PKIB: variants seen among roughly 807,000 people sequenced by gnomAD.
PKIB encodes the protein PKI-beta.
A neutral mutation model predicts 4.5 loss-of-function variants in PKIB; 2 were observed. The ratio of observed to expected loss-of-function variants is 0.44; its 90% CI spans 0.18 to 1.39. The LOEUF (loss-of-function observed/expected upper bound fraction) is 1.39. PKIB is among the 40% of genes most tolerant of loss of function. PKIB has a pLI of 0.27. For missense variants in PKIB, 94 were observed against 92.6 expected (o/e 1.02, Z -0.06); for synonymous variants, 38 against 36.0 (o/e 1.06, Z -0.20).
intron 2 of PKIB, among the ~76,000 whole-genome samples, chr6:122,492,287 A>C (rs1275727773): frequency 6.6e-6 from 1 of 152,160 alleles, no homozygotes; most frequent in African/African-American, 2.4e-5. Flanking sequence ...GTTCGTGGGT[A>C]GTGTTCATGG....
chr6:122,497,455 A>C (rs140961208), intron 2 of PKIB, among the ~76,000 whole-genome samples: 13 of 152,204 alleles, frequency 8.5e-5, no homozygotes, highest in Admixed American at 8.5e-4. Context: ...AGCAAGACCC[A>C]TTCATCTGCT....
intron 1 of PKIB, among the ~76,000 whole-genome samples, chr6:122,619,044 T>C (rs1168164125): frequency 6.6e-6 from 1 of 152,172 alleles, no homozygotes; most frequent in Non-Finnish European, 1.5e-5. Flanking sequence ...ATATTTTTAG[T>C]TATTTTTATG....
intron 4 of PKIB, among the ~76,000 whole-genome samples, chr6:122,721,202 G>C (rs1779727672): frequency 6.6e-6 from 1 of 152,120 alleles, no homozygotes; most frequent in Non-Finnish European, 1.5e-5. Flanking sequence ...ACCCCAAACA[G>C]GTTAAGTGAC....
intron 3 of PKIB, among the ~76,000 whole-genome samples, chr6:122,695,246 C>T (rs1173089997): frequency 1.3e-5 from 2 of 152,026 alleles, no homozygotes; most frequent in Non-Finnish European, 2.9e-5. Context: ...ACCTTAAAAA[C>T]AACCAAATAT....
chr6:122,709,737 G>T (rs1779198682), intron 3 of PKIB, among the ~76,000 whole-genome samples: 1 of 151,980 alleles, frequency 6.6e-6, no homozygotes, highest in Non-Finnish European at 1.5e-5. Context: ...TTTTCCCTTT[G>T]AAAGATAAAT....
intron 3 of PKIB, among the ~76,000 whole-genome samples, chr6:122,697,020 G>A (rs1043686110): frequency 1.3e-5 from 2 of 152,178 alleles, no homozygotes; most frequent in Non-Finnish European, 2.9e-5. Context: ...TCTACTGATG[G>A]CCTGGGGGAG....
chr6:122,557,751 TGCTGTCCTC>T (rs762826541), intron 2 of PKIB, among the ~76,000 whole-genome samples: 3 of 152,230 alleles, frequency 2.0e-5, no homozygotes, highest in Non-Finnish European at 4.4e-5. Context: ...TGGGTAGATG[TGCTGTCCTC>T]AGATTTACCT....
chr6:122,700,396 G>A (rs1778764839), intron 3 of PKIB, among the ~76,000 whole-genome samples: 1 of 151,724 alleles, frequency 6.6e-6, no homozygotes, highest in African/African-American at 2.4e-5. Flanking sequence ...CAGGGTTAGG[G>A]GTTTCCCCCA....
At chr6:122,577,275 TA>T (rs370991764) in intron 2 of PKIB, among the ~76,000 whole-genome samples, 2 of 152,002 alleles carry the variant, frequency 1.3e-5, no homozygotes, top group Admixed American at 6.6e-5. Context: ...ACTTTTAAGT[TA>T]AAAAAAAGTA....
intron 2 of PKIB, among the ~76,000 whole-genome samples, chr6:122,517,718 A>G (rs1776805082): frequency 6.6e-6 from 1 of 152,248 alleles, no homozygotes; most frequent in African/African-American, 2.4e-5. Context: ...AACAAAAGAC[A>G]TAATTCTATT....
chr6:122,549,436 T>A (rs939337022), intron 2 of PKIB, among the ~76,000 whole-genome samples: 12 of 152,174 alleles, frequency 7.9e-5, no homozygotes, highest in Non-Finnish European at 8.8e-5. Flanking sequence ...CCTCTAATTA[T>A]TTGTTTCACG....
At chr6:122,475,070 A>G (rs1015534119) in intron 1 of PKIB, among the ~76,000 whole-genome samples, 7 of 152,084 alleles carry the variant, frequency 4.6e-5, no homozygotes, top group South Asian at 4.1e-4. Context: ...GGCTTGCTCT[A>G]TTGCCCAGGC....
rs541970550 is a variant in PKIB at position 122,511,998 on chromosome 6, T to G, written c.-248+34059T>G. On this transcript the variant is annotated intron_variant, in intron 2 of 6. Transcript: ENST00000392491. The stretch of plus-strand genomic sequence containing the variant: ...GGAACATGATGGCAATTAGGAGGCT[T>G]TCCTCCTCAGAGGCCTCTTGTGGCT... 2.6e-5 allele frequency among the ~76,000 whole-genome samples: 4 copies of G among 152,242 alleles called. No individual in the cohort carries two copies. In the South Asian group the frequency reaches 6.2e-4, roughly 24 times the overall value.
At chr6:122,480,071 C>G (rs909778269) in intron 2 of PKIB, 2 of 149,692 alleles carry the variant, frequency 1.3e-5, no homozygotes, top group Non-Finnish European at 3.0e-5. Flanking sequence ...GAGAGGGAGT[C>G]TCGCTCTGTC....
At chr6:122,633,956 A>ATCTATCTG (rs1775805364) in intron 2 of PKIB, among the ~76,000 whole-genome samples, 1 of 151,684 alleles carries the variant, frequency 6.6e-6, no homozygotes, top group Non-Finnish European at 1.5e-5. Flanking sequence ...CTATCTATCT[A>ATCTATCTG]TCTATCTATC....
intron 1 of PKIB, among the ~76,000 whole-genome samples, chr6:122,612,121 C>T (rs1021054250): frequency 1.3e-5 from 2 of 152,140 alleles, no homozygotes; most frequent in African/African-American, 4.8e-5. Context: ...CCTTTTTAGT[C>T]GATTGCAAAC....
intron 3 of PKIB, among the ~76,000 whole-genome samples, chr6:122,715,649 G>GTATA (rs138034261): frequency 0.034 from 4,996 of 146,802 alleles, 94 homozygotes; most frequent in Middle Eastern, 0.047. Context: ...GGTATTTTAT[G>GTATA]TATATATATA....
At chr6:122,681,475 C>T (rs973460350) in intron 3 of PKIB, among the ~76,000 whole-genome samples, 4 of 152,056 alleles carry the variant, frequency 2.6e-5, no homozygotes, top group Non-Finnish European at 5.9e-5. Context: ...TTATTATACT[C>T]CAATGATATA....
chr6:122,562,113 T>C (rs1047300401), intron 2 of PKIB, among the ~76,000 whole-genome samples: 1 of 114,546 alleles, frequency 8.7e-6, no homozygotes, highest in African/African-American at 3.2e-5. Context: ...AGTTTCAAGA[T>C]TTAGAGCTCT....
Sources: allele counts gnomAD v4.1 joint callset (sites outside exome capture counted in the v4.1 genomes callset), GRCh38; gene constraint gnomAD v4.1.1; transcripts MANE v1.5; gene names NCBI Gene and HGNC (gene_info 2026-07-23, HGNC 2026-07-21).